Variants in CSNK2A2IP observed in about 807,000 individuals in gnomAD.
CSNK2A2IP encodes the protein casein kinase 2 subunit alpha' interacting protein.
At chr3:88,440,002 C>T in the CSNK2A2IP span, among the ~76,000 whole-genome samples, 1 of 152,136 alleles carries the variant, frequency 6.6e-6, no homozygotes, top group African/African-American at 2.4e-5. Flanking sequence ...ATTCCATTAA[C>T]TGACAGTGTA....
chr3:88,415,874 CATT>C, the CSNK2A2IP span, among the ~76,000 whole-genome samples: 1 of 151,922 alleles, frequency 6.6e-6, no homozygotes, highest in Admixed American at 6.6e-5. Flanking sequence ...AACATTTCTC[CATT>C]AGACCTTAAG....
At chr3:88,446,091 T>C in the CSNK2A2IP span, among the ~76,000 whole-genome samples, 20 of 134,130 alleles carry the variant, frequency 1.5e-4, no homozygotes, top group Non-Finnish European at 3.0e-4. Flanking sequence ...TCTTTCTTTC[T>C]TTCTTTCTTT....
the CSNK2A2IP span, among the ~76,000 whole-genome samples, chr3:88,370,040 G>A: frequency 4.0e-5 from 6 of 151,826 alleles, no homozygotes; most frequent in Admixed American, 2.0e-4. Flanking sequence ...CACACCATGG[G>A]GGAGACAAAT....
At chr3:88,411,367 A>G in the CSNK2A2IP span, among the ~76,000 whole-genome samples, 1 of 131,582 alleles carries the variant, frequency 7.6e-6, no homozygotes, top group Non-Finnish European at 1.6e-5. Flanking sequence ...CTATCTATCT[A>G]TCTATCTATC....
the CSNK2A2IP span, among the ~76,000 whole-genome samples, chr3:88,355,044 G>C: frequency 9.7e-4 from 148 of 152,132 alleles, 2 homozygotes; most frequent in East Asian, 0.021. Context: ...ATGTGAGCAG[G>C]GCATGATCAA....
chr3:88,465,651 G>A, the CSNK2A2IP span: 6 of 1,231,510 alleles, frequency 4.9e-6, no homozygotes, highest in Non-Finnish European at 5.1e-6. Context: ...CCAAGCATCA[G>A]AACACACCTT....
chr3:88,401,906 T>TA, the CSNK2A2IP span, among the ~76,000 whole-genome samples: 32 of 152,216 alleles, frequency 2.1e-4, no homozygotes, highest in Admixed American at 1.8e-3. Context: ...TAAATTAGCT[T>TA]AAAAATCTGA....
At chr3:88,441,558 C>A in the CSNK2A2IP span, among the ~76,000 whole-genome samples, 1 of 152,188 alleles carries the variant, frequency 6.6e-6, no homozygotes, top group South Asian at 2.1e-4. Flanking sequence ...TCAGAGTCTT[C>A]AGTTACAATA....
the CSNK2A2IP span, among the ~76,000 whole-genome samples, chr3:88,342,844 C>T: frequency 6.6e-6 from 1 of 151,894 alleles, no homozygotes; most frequent in Admixed American, 6.6e-5. Context: ...AAATAATACA[C>T]ATAGCATAGT....
the CSNK2A2IP span, among the ~76,000 whole-genome samples, chr3:88,353,295 T>TG: frequency 6.6e-6 from 1 of 152,158 alleles, no homozygotes; most frequent in Non-Finnish European, 1.5e-5. Flanking sequence ...ACAGAGGAAA[T>TG]GAATATAAAA....
chr3:88,374,698 T>C, the CSNK2A2IP span, among the ~76,000 whole-genome samples: 369 of 151,850 alleles, frequency 2.4e-3, 4 homozygotes, highest in East Asian at 0.054. Context: ...TTTCTTTACA[T>C]TATTTCCTCA....
At chr3:88,390,416 T>C in the CSNK2A2IP span, among the ~76,000 whole-genome samples, 6 of 152,144 alleles carry the variant, frequency 3.9e-5, no homozygotes, top group African/African-American at 1.4e-4. Flanking sequence ...CCTGGAACTG[T>C]TGAGAAAATG....
chr3:88,401,321 A>G, the CSNK2A2IP span, among the ~76,000 whole-genome samples: 1 of 152,144 alleles, frequency 6.6e-6, no homozygotes, highest in African/African-American at 2.4e-5. Flanking sequence ...GGGAACTATC[A>G]TTATTTAGAT....
chr3:88,463,628 C>T, the CSNK2A2IP span, among the ~76,000 whole-genome samples: 1 of 152,008 alleles, frequency 6.6e-6, no homozygotes, highest in Non-Finnish European at 1.5e-5. Flanking sequence ...GTTAGAATGG[C>T]AATCATTAAA....
the CSNK2A2IP span, among the ~76,000 whole-genome samples, chr3:88,378,029 T>A: frequency 6.6e-6 from 1 of 152,032 alleles, no homozygotes; most frequent in Non-Finnish European, 1.5e-5. Context: ...CTAAAAAATG[T>A]TACCAGTTTA....
the CSNK2A2IP span, among the ~76,000 whole-genome samples, chr3:88,421,439 T>C: frequency 6.6e-6 from 1 of 152,130 alleles, no homozygotes; most frequent in Non-Finnish European, 1.5e-5. Flanking sequence ...TTATTTGAGA[T>C]GGAGTCTCAC....
the CSNK2A2IP span, among the ~76,000 whole-genome samples, chr3:88,390,937 G>A: frequency 8.5e-5 from 13 of 152,194 alleles, no homozygotes; most frequent in African/African-American, 2.4e-4. Flanking sequence ...AAACATTGGC[G>A]CTTATTTAAA....
At chr3:88,373,380 C>T in the CSNK2A2IP span, among the ~76,000 whole-genome samples, 1 of 150,980 alleles carries the variant, frequency 6.6e-6, no homozygotes, top group African/African-American at 2.4e-5. Context: ...TAAAAATAAT[C>T]AATGGATTAA....
chr3:88,428,756 A>G, the CSNK2A2IP span, among the ~76,000 whole-genome samples: 1 of 152,126 alleles, frequency 6.6e-6, no homozygotes. Context: ...TCTTTGGCAA[A>G]GAAGATAACC....
Sources: allele counts gnomAD v4.1 joint callset (sites outside exome capture counted in the v4.1 genomes callset), GRCh38; gene constraint gnomAD v4.1.1; transcripts MANE v1.5; gene names NCBI Gene and HGNC (gene_info 2026-07-23, HGNC 2026-07-21).